CBFA2T2: variants seen among roughly 807,000 people sequenced by gnomAD.
The protein encoded by CBFA2T2 is protein CBFA2T2.
In CBFA2T2, 11 loss-of-function variants were observed where a neutral mutation model predicts 62.2. The observed-to-expected ratio is 0.18, with a 90% CI of 0.11 to 0.29. The LOEUF (loss-of-function observed/expected upper bound fraction) is 0.29, where lower values mean the gene tolerates loss of function less well. Among genes scored for constraint, CBFA2T2 ranks in the 10% least tolerant of loss-of-function variants. The pLI is 1.00. For synonymous variants in CBFA2T2, 295 were observed against 287.5 expected (o/e 1.03, Z -0.27); for missense variants, 592 against 774.1 (o/e 0.76, Z 2.79).
At chr20:33,641,224 G>A (rs1189686926) in intron 10 of CBFA2T2, among the ~76,000 whole-genome samples, 1 of 152,080 alleles carries the variant, frequency 6.6e-6, no homozygotes, top group Non-Finnish European at 1.5e-5. Context: ...AGTAGAGACG[G>A]GGTTTCACCG....
intron 1 of CBFA2T2, among the ~76,000 whole-genome samples, chr20:33,534,034 G>A (rs1457973515): frequency 1.3e-5 from 2 of 152,122 alleles, no homozygotes; most frequent in East Asian, 3.8e-4. Flanking sequence ...TGGGGTTCGA[G>A]CCCAGGCTAG....
At chr20:33,545,470 TTTCG>T (rs1555833726) in intron 1 of CBFA2T2, among the ~76,000 whole-genome samples, 1 of 151,324 alleles carries the variant, frequency 6.6e-6, no homozygotes, top group Non-Finnish European at 1.5e-5. Flanking sequence ...TCTTTCTTTC[TTTCG>T]TTCGTTTGTT....
Position 33,527,308 on chromosome 20 carries a change from T to C in CBFA2T2, c.34+37007T>C, listed in dbSNP as rs142607113. 1.7e-4 allele frequency among the ~76,000 whole-genome samples: 26 copies of C among 151,902 alleles called. No homozygotes were observed. The East Asian group carries it at 4.8e-3, about 28-fold the overall frequency. On this transcript the variant is annotated intron_variant, in intron 1 of 10. Coordinates refer to ENST00000342704, the MANE Select transcript of CBFA2T2 (RefSeq NM_001032999.3). ...CCTCTGCCTCCCAGGTTCAAGTGAT[T>C]CTCCTGCCTCAGCCTCCTGAGTAGC... is the stretch of plus-strand genomic sequence containing the variant.
At chr20:33,573,325 T>C (rs1262179838) in intron 1 of CBFA2T2, among the ~76,000 whole-genome samples, 1 of 151,790 alleles carries the variant, frequency 6.6e-6, no homozygotes, top group Non-Finnish European at 1.5e-5. Flanking sequence ...AGGGAAAGGG[T>C]TTAAGGAGAT....
chr20:33,540,047 A>C (rs982778014), intron 1 of CBFA2T2, among the ~76,000 whole-genome samples: 1 of 152,150 alleles, frequency 6.6e-6, no homozygotes, highest in Non-Finnish European at 1.5e-5. Context: ...AAGTGGCAGA[A>C]ATGTTTTTGT....
chr20:33,537,105 C>T (rs1211496359), intron 1 of CBFA2T2, among the ~76,000 whole-genome samples: 1 of 152,216 alleles, frequency 6.6e-6, no homozygotes, highest in African/African-American at 2.4e-5. Flanking sequence ...GCAGAGGCTG[C>T]AATCTCGGCA....
intron 2 of CBFA2T2, among the ~76,000 whole-genome samples, chr20:33,608,353 T>G (rs1384413597): frequency 6.6e-6 from 1 of 152,236 alleles, no homozygotes; most frequent in East Asian, 1.9e-4. Flanking sequence ...ATGTATTGTT[T>G]CATTTAAATG....
At chr20:33,597,309 G>A (rs1459679750) in intron 1 of CBFA2T2, among the ~76,000 whole-genome samples, 2 of 152,014 alleles carry the variant, frequency 1.3e-5, no homozygotes, top group Non-Finnish European at 2.9e-5. Context: ...GTAGTTACTC[G>A]AATAATTTTG....
chr20:33,621,287 C>CTTTTTTTTTTTTTTTTTTTTTTT lies in CBFA2T2; in HGVS notation c.510+1685_510+1707dup, dbSNP rs199805350. Among the ~76,000 whole-genome samples the CTTTTTTTTTTTTTTTTTTTTTTT allele has an allele frequency of 1.1e-3, 93 of 85,286 alleles. 12 individuals are homozygous for CTTTTTTTTTTTTTTTTTTTTTTT. The highest frequency in any genetic ancestry group is 4.1e-3 in the East Asian group (10 of 2,412). The allele number at this position is 85,286 out of a possible 152,430, so 56.0% of individuals were successfully genotyped here. ...TCTATAATACCTTTAATTTTACTGC[C>CTTTTTTTTTTTTTTTTTTTTTTT]TTTTTTTTTTTTTTTTTTTTTTTTT... On this transcript the variant is annotated intron_variant, in intron 4 of 10. Coordinates refer to ENST00000342704, the MANE Select transcript of CBFA2T2 (RefSeq NM_001032999.3).
chr20:33,542,784 ACCTCAACCT>A (rs1296175860), intron 1 of CBFA2T2, among the ~76,000 whole-genome samples: 1 of 151,592 alleles, frequency 6.6e-6, no homozygotes, highest in African/African-American at 2.4e-5. Flanking sequence ...TGGTCCTCCC[ACCTCAACCT>A]CCCGGGAAGC....
intron 1 of CBFA2T2, among the ~76,000 whole-genome samples, chr20:33,583,230 T>C (rs11697839): frequency 0.024 from 3,599 of 152,346 alleles, 64 homozygotes; most frequent in Non-Finnish European, 0.032. Context: ...AACTATCCTT[T>C]GTACAAGAAC....
chr20:33,536,906 C>T (rs1338923103), intron 1 of CBFA2T2, among the ~76,000 whole-genome samples: 5 of 149,154 alleles, frequency 3.4e-5, no homozygotes, highest in African/African-American at 5.0e-5. Flanking sequence ...CGGGAAGAGG[C>T]GCTCCTCACT....
intron 1 of CBFA2T2, among the ~76,000 whole-genome samples, chr20:33,563,765 T>C (rs1164040715): frequency 6.6e-6 from 1 of 152,144 alleles, no homozygotes; most frequent in Non-Finnish European, 1.5e-5. Context: ...GTTCTAGATG[T>C]TCACTTTTTT....
At chr20:33,598,375 A>T (rs921911331) in intron 1 of CBFA2T2, among the ~76,000 whole-genome samples, 13 of 152,174 alleles carry the variant, frequency 8.5e-5, no homozygotes, top group Admixed American at 5.2e-4. Flanking sequence ...CTATACATCC[A>T]GGCGCGTATT....
intron 1 of CBFA2T2, among the ~76,000 whole-genome samples, chr20:33,575,658 G>T (rs535295965): frequency 6.6e-6 from 1 of 151,920 alleles, no homozygotes; most frequent in African/African-American, 2.4e-5. Flanking sequence ...CCAAATTATC[G>T]GGTGTTATAC....
chr20:33,605,655 G>A, intron 1 of CBFA2T2, among the ~76,000 whole-genome samples: 1 of 152,150 alleles, frequency 6.6e-6, no homozygotes, highest in East Asian at 1.9e-4. Flanking sequence ...TCCCATAGAT[G>A]AAGTAGCCTC....
At chr20:33,586,115 GATGTGA>G (rs1568835079) in intron 1 of CBFA2T2, among the ~76,000 whole-genome samples, 1 of 152,222 alleles carries the variant, frequency 6.6e-6, no homozygotes, top group African/African-American at 2.4e-5. Flanking sequence ...TGCCAGTGCA[GATGTGA>G]TCTGATCAAT....
Position 33,625,036 on chromosome 20 carries a change from A to G in CBFA2T2, c.946+19A>G. ...AGTCTTGGTAAGCAACCGAAGCAGC[A>G]TGGTAAATTCAGACTGGATTCTTGG... is the stretch of plus-strand genomic sequence containing the variant. On this transcript the variant is annotated intron_variant, in intron 6 of 10. Coordinates refer to ENST00000342704, the MANE Select transcript of CBFA2T2 (RefSeq NM_001032999.3). 6.2e-7 allele frequency: 1 copy of G among 1,603,736 alleles called. No individual in the cohort carries two copies. The highest frequency in any genetic ancestry group is 8.5e-7 in the Non-Finnish European group (1 of 1,172,082).
At chr20:33,544,757 G>C (rs549168864) in intron 1 of CBFA2T2, among the ~76,000 whole-genome samples, 1 of 152,130 alleles carries the variant, frequency 6.6e-6, no homozygotes, top group African/African-American at 2.4e-5. Flanking sequence ...ATATTGGGCA[G>C]GCTGGTCATG....
Sources: allele counts gnomAD v4.1 joint callset (sites outside exome capture counted in the v4.1 genomes callset), GRCh38; gene constraint gnomAD v4.1.1; transcripts MANE v1.5; gene names NCBI Gene and HGNC (gene_info 2026-07-23, HGNC 2026-07-21).